The following CLMN variants were observed in gnomAD, a reference collection of about 807,000 sequenced individuals.
CLMN encodes the protein calmin (calponin-like, transmembrane).
In CLMN, 57 loss-of-function variants were observed where a neutral mutation model predicts 92.7. That is an observed-to-expected ratio of 0.61 (90% CI 0.50 to 0.77). The LOEUF (loss-of-function observed/expected upper bound fraction) is 0.77. CLMN is among the 30% of genes least tolerant of loss of function. The pLI, the probability that CLMN is intolerant of heterozygous loss-of-function variation, is 0.00. For synonymous variants in CLMN, 466 were observed against 470.6 expected, an observed-to-expected ratio of 0.99 and a Z score of 0.13; for missense variants, 1,158 against 1,237.5, an observed-to-expected ratio of 0.94 and a Z score of 0.96.
chr14:95,296,657 C>T lies in CLMN; in HGVS notation c.82+23054G>A, dbSNP rs116655753. Among the ~76,000 whole-genome samples the T allele has an allele frequency of 3.8e-3, 575 of 152,322 alleles. 4 individuals are homozygous for T. Among genetic ancestry groups the T allele is most frequent in the African/African-American group, 0.012 (494 of 41,556 alleles). On this transcript the variant is annotated intron_variant, in intron 1 of 12. Transcript: ENST00000298912. ...TTCTTCATCATCCTTCCTTCTGTCA[C>T]GCTGCCTGAAATGTTAATGTAACGG...
chr14:95,318,545 TC>T (rs1234074404), intron 1 of CLMN, among the ~76,000 whole-genome samples: 3 of 152,032 alleles, frequency 2.0e-5, no homozygotes, highest in Admixed American at 6.5e-5. Context: ...TGCTCGGCCA[TC>T]CCCCAGCGCT....
intron 1 of CLMN, among the ~76,000 whole-genome samples, chr14:95,308,209 G>C (rs1901369291): frequency 6.6e-6 from 1 of 152,250 alleles, no homozygotes; most frequent in East Asian, 1.9e-4. Context: ...TACTTTGTTA[G>C]TTCAAGGAAA....
In CLMN at chr14:95,185,500, G is replaced by A. The variant is rs896012452; in HGVS notation, c.*6064C>T. On this transcript the variant is annotated 3_prime_UTR_variant, in exon 13 of 13. Coordinates refer to ENST00000298912, the MANE Select transcript of CLMN (RefSeq NM_024734.4). ...ACAGAACAACCTGCTATGTGGTGATGGTTCCAGATGGCAGCTGCTGGCCCA... is the reference window on the plus strand; with the variant it reads ...ACAGAACAACCTGCTATGTGGTGATAGTTCCAGATGGCAGCTGCTGGCCCA... 1 of 152,320 alleles carries A rather than the reference G, an allele frequency of 6.6e-6. No individual in the cohort carries two copies. The highest frequency in any genetic ancestry group is 2.4e-5 in the African/African-American group (1 of 41,442). 9.4% of individuals were successfully genotyped at this position (152,320 alleles called of 1,614,324 possible).
intron 1 of CLMN, among the ~76,000 whole-genome samples, chr14:95,232,573 T>G (rs1317500035): frequency 6.6e-6 from 1 of 152,174 alleles, no homozygotes; most frequent in African/African-American, 2.4e-5. Context: ...TCCTTTTCTG[T>G]AAGGGAGGGT....
chr14:95,237,520 G>T (rs945824806), intron 1 of CLMN, among the ~76,000 whole-genome samples: 3 of 152,358 alleles, frequency 2.0e-5, no homozygotes, highest in Middle Eastern at 3.4e-3. Context: ...GAGAGCAAAG[G>T]TCCCCATCCA....
intron 1 of CLMN, among the ~76,000 whole-genome samples, chr14:95,274,508 G>T (rs10131085): frequency 0.1 from 15,487 of 152,078 alleles, 923 homozygotes; most frequent in African/African-American, 0.15. Flanking sequence ...CACAGCTGCA[G>T]GTATCACTCC....
chr14:95,270,635 G>A (rs1236362514), intron 1 of CLMN, among the ~76,000 whole-genome samples: 1 of 151,486 alleles, frequency 6.6e-6, no homozygotes, highest in East Asian at 1.9e-4. Flanking sequence ...GCATGCATCA[G>A]TACTTCCTTT....
chr14:95,305,704 G>A (rs973872135), intron 1 of CLMN, among the ~76,000 whole-genome samples: 1 of 152,190 alleles, frequency 6.6e-6, no homozygotes, highest in Non-Finnish European at 1.5e-5. Context: ...TAAGGGCACA[G>A]CATAATGGAT....
chr14:95,193,778 T>G lies in CLMN; in HGVS notation c.2840+71A>C, dbSNP rs1281226298. 5.7e-6 allele frequency: 9 copies of G among 1,580,954 alleles called. No homozygotes were observed. The Admixed American group carries it at 1.2e-4, about 21-fold the overall frequency. On this transcript the variant is annotated intron_variant, in intron 12 of 12. Coordinates refer to ENST00000298912, the MANE Select transcript of CLMN (RefSeq NM_024734.4). ...AAAGCAGTGGGAGAATAACCACCCC[T>G]GTAAGGCAGGCTGCAGAATGTAAAA... is the stretch of plus-strand genomic sequence containing the variant.
At chr14:95,200,319 G>T (rs1896841033) in intron 9 of CLMN, among the ~76,000 whole-genome samples, 1 of 152,140 alleles carries the variant, frequency 6.6e-6, no homozygotes, top group Non-Finnish European at 1.5e-5. Flanking sequence ...AGTTACTGGG[G>T]ACTCTGTCTC....
chr14:95,272,805 T>C lies in CLMN; in HGVS notation c.83-42672A>G, dbSNP rs548037119. On this transcript the variant is annotated intron_variant, in intron 1 of 12. Coordinates refer to ENST00000298912, the MANE Select transcript of CLMN (RefSeq NM_024734.4). ...ATAAAATAATTGTAAGTTGTTTCTATGCGCTCCCAAGGGAAAACGTTGGGG... is the reference window on the plus strand; with the variant it reads ...ATAAAATAATTGTAAGTTGTTTCTACGCGCTCCCAAGGGAAAACGTTGGGG... Among the ~76,000 whole-genome samples the C allele has an allele frequency of 2.9e-4, 44 of 152,346 alleles. No homozygotes were observed. The South Asian group carries it at 3.9e-3, about 14-fold the overall frequency.
intron 1 of CLMN, among the ~76,000 whole-genome samples, chr14:95,266,199 G>A (rs1011730142): frequency 2.0e-5 from 3 of 152,206 alleles, no homozygotes; most frequent in East Asian, 1.9e-4. Context: ...GGAAGTCCTA[G>A]CTAGAGCAAT....
intron 3 of CLMN, 28 bp from the exon 4 acceptor site, chr14:95,221,802 C>G: frequency 1.2e-6 from 2 of 1,603,704 alleles, no homozygotes; most frequent in Non-Finnish European, 1.7e-6. Flanking sequence ...ACAAAACAAG[C>G]ACATTAAACC....
intron 10 of CLMN, 127 bp downstream of exon 10, chr14:95,196,371 A>G: frequency 3.3e-6 from 3 of 909,390 alleles, no homozygotes; most frequent in South Asian, 3.6e-5. Context: ...AGGATTGTGT[A>G]TGAAGCTGTA....
chr14:95,226,859 G>C (rs56260967), intron 2 of CLMN, among the ~76,000 whole-genome samples: 10 of 152,040 alleles, frequency 6.6e-5, no homozygotes, highest in African/African-American at 2.4e-4. Flanking sequence ...GATTACAGGC[G>C]TGAGCCACCA....
intron 1 of CLMN, among the ~76,000 whole-genome samples, chr14:95,261,240 T>C (rs564675402): frequency 1.3e-5 from 2 of 149,556 alleles, no homozygotes; most frequent in South Asian, 4.2e-4. Context: ...AAAGGACACT[T>C]ATTTATAGTT....
intron 4 of CLMN, among the ~76,000 whole-genome samples, chr14:95,220,332 G>A (rs925472730): frequency 4.6e-5 from 7 of 151,800 alleles, no homozygotes; most frequent in South Asian, 2.1e-4. Context: ...CCCCACGACC[G>A]TGCCCAGCTA....
chr14:95,254,310 C>T (rs1271950607), intron 1 of CLMN, among the ~76,000 whole-genome samples: 2 of 152,092 alleles, frequency 1.3e-5, no homozygotes, highest in African/African-American at 2.4e-5. Context: ...GCTAGGACGG[C>T]GGTTAGAAAA....
At chr14:95,226,252 T>C (rs991724085) in intron 2 of CLMN, among the ~76,000 whole-genome samples, 1 of 152,212 alleles carries the variant, frequency 6.6e-6, no homozygotes, top group African/African-American at 2.4e-5. Flanking sequence ...ATACTTAAAA[T>C]CACCTCTAGA....
Sources: gnomAD v4.1 joint callset for allele counts (sites outside exome capture counted in the v4.1 genomes callset) on GRCh38, gnomAD v4.1.1 for gene constraint, MANE v1.5 for transcripts, NCBI Gene and HGNC (gene_info 2026-07-23, HGNC 2026-07-21) for gene names.